Variants in EIF4G2 observed in about 807,000 individuals in gnomAD.
EIF4G2 encodes DAP-5.
EIF4G2 carries 8 observed loss-of-function variants against 117.7 expected under a neutral mutation model. That is an observed-to-expected ratio of 0.07 (90% CI 0.04 to 0.12). The LOEUF (loss-of-function observed/expected upper bound fraction) is 0.12, where lower values mean the gene tolerates loss of function less well. EIF4G2 is among the 10% of genes least tolerant of loss of function. The probability of loss-of-function intolerance (pLI) is 1.00; values close to 1 mark genes in which losing one functional copy is unlikely to be tolerated. For synonymous variants in EIF4G2, 413 were observed against 367.8 expected, an observed-to-expected ratio of 1.12 and a Z score of -1.41; for missense variants, 812 against 1,086.2, an observed-to-expected ratio of 0.75 and a Z score of 3.55.
Position 10,802,286 on chromosome 11 carries a change from A to G in EIF4G2, c.1138+8T>C. The G allele has an allele frequency of 6.2e-7, 1 of 1,610,724 alleles. No individual in the cohort carries two copies. Among genetic ancestry groups the G allele is most frequent in the African/African-American group, 1.3e-5 (1 of 74,750 alleles). On this transcript the variant is annotated splice_region_variant and intron_variant, in intron 12 of 21. Coordinates refer to ENST00000339995, the MANE Select transcript of EIF4G2 (RefSeq NM_001418.4). ...AGCTTAACGCAACCATTGTTTTTTC[A>G]AAATTACCTGGCATTTGTCCAAACA...
At chr11:10,799,991 ACAATCAGACTGTCTGACC>A in intron 18 of EIF4G2, 81 bp downstream of exon 18, 1 of 1,342,340 alleles carries the variant, frequency 7.4e-7, no homozygotes, top group Non-Finnish European at 1.0e-6. Context: ...TCTGAGCAGG[ACAATCAGACTGTCTGACC>A]TACATAAATC....
At chr11:10,799,502 C>G (rs201191182) in intron 19 of EIF4G2, 50 bp downstream of exon 19, 333 of 1,609,538 alleles carry the variant, frequency 2.1e-4, no homozygotes, top group Non-Finnish European at 2.6e-4. Flanking sequence ...TCCTACGCTT[C>G]TTTTCCAGTA....
At chr11:10,807,494 T>TA in intron 1 of EIF4G2, 113 bp from the exon 2 acceptor site, 1 of 1,361,208 alleles carries the variant, frequency 7.3e-7, no homozygotes, top group Non-Finnish European at 9.4e-7. Flanking sequence ...TGCAGATCTG[T>TA]AAGACTAACC....
chr11:10,800,900 A>G (rs1308035121), intron 15 of EIF4G2, 62 bp downstream of exon 15: 2 of 1,611,772 alleles, frequency 1.2e-6, no homozygotes, highest in Non-Finnish European at 1.7e-6. Flanking sequence ...GGAAGAACAC[A>G]CTAAATTTAG....
chr11:10,805,070 G>A (rs1847525925), intron 4 of EIF4G2, 55 bp from the exon 5 acceptor site: 5 of 1,351,342 alleles, frequency 3.7e-6, no homozygotes, highest in African/African-American at 1.4e-5. Flanking sequence ...AATTTGAATT[G>A]AAAAACTGCT....
chr11:10,800,147 C>T lies in EIF4G2; in HGVS notation c.2062G>A (p.Glu688Lys), dbSNP rs1201787120. The change falls in exon 18 of 22, where the codon GAA (glutamate) becomes AAA (lysine). Residue 688 changes from glutamate to lysine, a missense_variant. Physicochemically the swap from Glu to Lys is moderately conservative, Grantham distance 56 (BLOSUM62 1). Around this residue, in one of 4 missense-constraint regions of EIF4G2, gnomAD observed 571 missense variants for 642.3 expected, o/e 0.89. Transcript: ENST00000339995. The stretch of plus-strand genomic sequence containing the variant: ...TGTTGAAAAAGTTCTGTTAACCATT[C>T]TCGATCTTGTAATTTAGCTAACTGC... 3.1e-6 allele frequency: 5 copies of T among 1,614,106 alleles called. No homozygotes were observed. The highest frequency in any genetic ancestry group is 4.2e-6 in the Non-Finnish European group (5 of 1,180,014).
intron 3 of EIF4G2, 94 bp downstream of exon 3, chr11:10,806,726 G>C (rs1590045469): frequency 1.5e-6 from 2 of 1,376,440 alleles, no homozygotes; most frequent in East Asian, 2.3e-5. Context: ...AAGATTAGGA[G>C]TCTTGATGGC....
In EIF4G2 at chr11:10,805,413, G is replaced by A. The variant is rs549970827; in HGVS notation, c.249-398C>T. On this transcript the variant is annotated intron_variant, in intron 4 of 21. Transcript: ENST00000339995. ...TTGCAATCCAATGGCTGAAAGCAACGGGAAGCCCCAAAATATGACGTGCTG... is the reference window on the plus strand; with the variant it reads ...TTGCAATCCAATGGCTGAAAGCAACAGGAAGCCCCAAAATATGACGTGCTG... 1.2e-3 allele frequency among the ~76,000 whole-genome samples: 185 copies of A among 152,216 alleles called. 2 individuals carry two copies. Among genetic ancestry groups the A allele is most frequent in the Non-Finnish European group, 2.0e-3 (138 of 68,000 alleles).
rs377433815 is a variant in EIF4G2, at chr11:10,804,018, C to T, written c.583G>A (p.Glu195Lys). The T allele has an allele frequency of 2.5e-6, 4 of 1,613,808 alleles. No individual in the cohort carries two copies. Among genetic ancestry groups the T allele is most frequent in the African/African-American group, 1.3e-5 (1 of 74,878 alleles). ...GCAATGGCTCTCTGTTCCTCCTCCT[C>T]GGGGAGGAGGGGATTTTCACGCTTA... Residue 195 changes from glutamate to lysine, a missense_variant, in exon 8 of 22, where the codon GAG becomes AAG. Glu to Lys is a moderately conservative substitution (Grantham distance 56). Around this residue, in one of 4 missense-constraint regions of EIF4G2, gnomAD observed 154 missense variants for 322.1 expected, o/e 0.48. Transcript: ENST00000339995.
rs1191575353 is a variant in EIF4G2, at chr11:10,801,038, G to A, written c.1463C>T (p.Pro488Leu). 1 of 1,614,134 alleles carries A rather than the reference G, an allele frequency of 6.2e-7. No homozygotes were observed. The change falls in exon 15 of 22, where the codon CCA becomes CTA. Residue 488 changes from proline to leucine, a missense_variant. Pro to Leu is a moderately conservative substitution (Grantham distance 98, BLOSUM62 -3). Transcript: ENST00000339995. ...CATAGTTATCTGGGGCTGAAGCTTT[G>A]GCACTTGATTTTTATTCATTAGGAA...
chr11:10,805,974 T>C lies in EIF4G2; in HGVS notation c.181A>G (p.Asn61Asp), dbSNP rs1847557013. 6.2e-7 allele frequency: 1 copy of C among 1,614,114 alleles called. No homozygotes were observed. Among genetic ancestry groups the C allele is most frequent in the African/African-American group, 1.3e-5 (1 of 74,936 alleles). The change falls in exon 4 of 22, where the codon AAC (asparagine) becomes GAC (aspartate). Residue 61 changes from asparagine (N) to aspartate (D), a missense_variant. Coordinates refer to ENST00000339995, the MANE Select transcript of EIF4G2 (RefSeq NM_001418.4). ...TTTGCGGAGTTGTTTGCTGCGGAGT[T>C]GTCATCTCGTCTAGTGCTTCGTGCA...
chr11:10,807,759 C>A, intron 1 of EIF4G2: 2 of 990,672 alleles, frequency 2.0e-6, no homozygotes, highest in Non-Finnish European at 2.4e-6. Context: ...ACGAGGCCAG[C>A]GACTAGATGA....
At chr11:10,802,846 G>T (rs1174096104) in intron 11 of EIF4G2, among the ~76,000 whole-genome samples, 184 bp downstream of exon 11, 1 of 152,166 alleles carries the variant, frequency 6.6e-6, no homozygotes, top group African/African-American at 2.4e-5. Context: ...CAGCCTGGGT[G>T]ACAGTGCGAA....
rs1847364472 is a variant in EIF4G2 at position 10,799,749 on chromosome 11, A to G, written c.2127T>C (p.Asp709=). 1.2e-6 allele frequency: 2 copies of G among 1,611,542 alleles called. No individual in the cohort carries two copies. The highest frequency in any genetic ancestry group is 1.7e-6 in the Non-Finnish European group (2 of 1,179,470). ...TCTCCAACATGCGGTCCTTATTCTGATCAATTTCTGAAGAGACAAAGCCAC... is the reference window on the plus strand; with the variant it reads ...TCTCCAACATGCGGTCCTTATTCTGGTCAATTTCTGAAGAGACAAAGCCAC... The change falls in exon 19 of 22, where the codon GAT becomes GAC. Residue 709 remains aspartate, a synonymous_variant. Coordinates refer to ENST00000339995, the MANE Select transcript of EIF4G2 (RefSeq NM_001418.4).
chr11:10,806,151 C>T, intron 3 of EIF4G2, 104 bp from the exon 4 acceptor site: 1 of 1,494,998 alleles, frequency 6.7e-7, no homozygotes, highest in Non-Finnish European at 9.1e-7. Flanking sequence ...TCTCGACTTC[C>T]CCTCCAAGAA....
In EIF4G2 at chr11:10,802,052, G is replaced by A. The variant is rs780677332; in HGVS notation, c.1296C>T (p.Ser432=). 1 of 272,732 alleles carries A rather than the reference G, an allele frequency of 3.7e-6. No individual in the cohort carries two copies. Among genetic ancestry groups the A allele is most frequent in the South Asian group, 5.5e-5 (1 of 18,316 alleles). The allele number at this position is 272,732 out of a possible 1,614,324, so 16.9% of individuals were successfully genotyped here. Residue 432 remains serine, a synonymous_variant, in exon 13 of 22, where the codon AGC becomes AGT. Coordinates refer to ENST00000339995, the MANE Select transcript of EIF4G2 (RefSeq NM_001418.4). ...TGCACACTCAAATATTACTTACCTGGCTTTTCATAAACTTGCCTCCCATCT... is the reference window on the plus strand; with the variant it reads ...TGCACACTCAAATATTACTTACCTGACTTTTCATAAACTTGCCTCCCATCT...
chr11:10,800,862 T>C (rs1489182038), intron 15 of EIF4G2, 27 bp from the exon 16 acceptor site: 5 of 1,612,524 alleles, frequency 3.1e-6, no homozygotes, highest in Non-Finnish European at 4.2e-6. Context: ...GACAGACTTT[T>C]TTTAAAAAGA....
chr11:10,802,635 A>T (rs1401139597), intron 11 of EIF4G2, among the ~76,000 whole-genome samples, 200 bp from the exon 12 acceptor site: 1 of 152,208 alleles, frequency 6.6e-6, no homozygotes, highest in African/African-American at 2.4e-5. Context: ...GGGAGGCCCA[A>T]GCCTTGGTTT....
chr11:10,798,073 G>A (rs951591639), intron 21 of EIF4G2, among the ~76,000 whole-genome samples, 192 bp from the exon 22 acceptor site: 2 of 152,208 alleles, frequency 1.3e-5, no homozygotes, highest in African/African-American at 4.8e-5. Flanking sequence ...ATTTAATCCT[G>A]CAAGGATGAT....
Sources: gnomAD v4.1 joint callset for allele counts (sites outside exome capture counted in the v4.1 genomes callset) on GRCh38, gnomAD v4.1.1 for gene constraint, gnomAD v4.1.1 regional missense constraint, MANE v1.5 for transcripts, NCBI Gene and HGNC (gene_info 2026-07-23, HGNC 2026-07-21) for gene names.